RGS5: variants seen among roughly 807,000 people sequenced by gnomAD.
RGS5 encodes regulator of G protein signaling 5, also known as regulator of G-protein signalling 5.
RGS5 carries 20 observed loss-of-function variants against 18.9 expected under a neutral mutation model. The observed-to-expected ratio is 1.06, with a 90% CI of 0.74 to 1.54. The LOEUF is 1.54. Ranked by LOEUF, RGS5 falls within the 40% of genes most tolerant of loss-of-function variation. The probability of loss-of-function intolerance (pLI) is 0.00; values close to 1 mark genes in which losing one functional copy is unlikely to be tolerated. For synonymous variants in RGS5, 57 were observed against 76.2 expected, an observed-to-expected ratio of 0.75 and a Z score of 1.31; for missense variants, 201 against 211.8, an observed-to-expected ratio of 0.95 and a Z score of 0.32.
At chr1:163,319,054 C>T (rs1335743327) in intron 1 of RGS5, 1 of 152,146 alleles carries the variant, frequency 6.6e-6, no homozygotes, top group Non-Finnish European at 1.5e-5. Context: ...ATTCCTACCA[C>T]ATTAGACCAA....
chr1:163,179,339 A>C (rs1245188374), intron 1 of RGS5, among the ~76,000 whole-genome samples: 1 of 152,228 alleles, frequency 6.6e-6, no homozygotes, highest in African/African-American at 2.4e-5. Context: ...TCTATTTCAT[A>C]AGCCTCTTGT....
chr1:163,181,906 C>T (rs1233228635), intron 1 of RGS5, among the ~76,000 whole-genome samples: 2 of 152,070 alleles, frequency 1.3e-5, no homozygotes, highest in East Asian at 1.9e-4. Context: ...AATTCCAACC[C>T]TTAATTTAAA....
chr1:163,277,088 A>G (rs1648876487), intron 2 of RGS5, among the ~76,000 whole-genome samples: 1 of 152,104 alleles, frequency 6.6e-6, no homozygotes, highest in South Asian at 2.1e-4. Context: ...CTGCATGATA[A>G]ATTTTGGTCT....
At chr1:163,216,423 GC>G (rs1195656350) in intron 1 of RGS5, among the ~76,000 whole-genome samples, 3 of 152,244 alleles carry the variant, frequency 2.0e-5, no homozygotes, top group Middle Eastern at 3.4e-3. Context: ...ATGGGCTCCA[GC>G]CTTCACAGAT....
chr1:163,230,869 GAT>G (rs892254580), intron 2 of RGS5, among the ~76,000 whole-genome samples: 6 of 152,104 alleles, frequency 3.9e-5, no homozygotes, highest in African/African-American at 1.4e-4. Context: ...GGCGTAACAG[GAT>G]ATGTTAATCA....
At chr1:163,153,797 A>G (rs910480171) in intron 3 of RGS5, among the ~76,000 whole-genome samples, 2 of 146,510 alleles carry the variant, frequency 1.4e-5, no homozygotes, top group Non-Finnish European at 3.0e-5. Flanking sequence ...TTAATGCTGA[A>G]TATATATGTA....
intron 2 of RGS5, among the ~76,000 whole-genome samples, chr1:163,281,128 GCTGT>G (rs1416277964): frequency 5.3e-5 from 8 of 152,068 alleles, no homozygotes; most frequent in African/African-American, 1.9e-4. Flanking sequence ...CTCTTTGCCT[GCTGT>G]CTGTCATCCA....
intron 1 of RGS5, among the ~76,000 whole-genome samples, chr1:163,191,577 T>C (rs1659357129): frequency 6.6e-6 from 1 of 152,204 alleles, no homozygotes; most frequent in African/African-American, 2.4e-5. Flanking sequence ...TATTATGCCA[T>C]AGTCTAACCC....
chr1:163,286,131 C>A (rs1397006979), intron 2 of RGS5, among the ~76,000 whole-genome samples: 1 of 151,638 alleles, frequency 6.6e-6, no homozygotes, highest in Non-Finnish European at 1.5e-5. Context: ...GAAAAAAAAC[C>A]CCCAATAAAA....
chr1:163,172,711 G>A (rs565935188), intron 1 of RGS5: 1 of 1,127,924 alleles, frequency 8.9e-7, no homozygotes, highest in East Asian at 2.6e-5. Flanking sequence ...GAGTATTTAA[G>A]TTGTGAAGTC....
chr1:163,247,035 T>C (rs1212996611), intron 2 of RGS5, among the ~76,000 whole-genome samples: 2 of 152,076 alleles, frequency 1.3e-5, no homozygotes, highest in African/African-American at 2.4e-5. Context: ...AAACATTAAG[T>C]ACACATGGAC....
intron 2 of RGS5, among the ~76,000 whole-genome samples, chr1:163,282,218 G>A (rs925259264): frequency 3.3e-5 from 5 of 151,638 alleles, no homozygotes; most frequent in Non-Finnish European, 5.9e-5. Context: ...CAGAATATAC[G>A]AACAACTCAA....
intron 2 of RGS5, among the ~76,000 whole-genome samples, chr1:163,240,808 C>A (rs1021452448): frequency 6.6e-6 from 1 of 152,194 alleles, no homozygotes; most frequent in Non-Finnish European, 1.5e-5. Flanking sequence ...TGAGCCACTG[C>A]ACCAGGCCAA....
chr1:163,166,613 C>A (rs1248546614), intron 2 of RGS5, among the ~76,000 whole-genome samples: 1 of 152,052 alleles, frequency 6.6e-6, no homozygotes, highest in East Asian at 1.9e-4. Flanking sequence ...TTTTATTGGT[C>A]ACTGTTGAAA....
chr1:163,253,558 C>G (rs992306961), intron 2 of RGS5, among the ~76,000 whole-genome samples: 1 of 151,878 alleles, frequency 6.6e-6, no homozygotes, highest in Middle Eastern at 3.2e-3. Flanking sequence ...AATCCACCCA[C>G]CTCGGCCTGC....
At chr1:163,253,439 G>T (rs1309165535) in intron 2 of RGS5, among the ~76,000 whole-genome samples, 1 of 148,628 alleles carries the variant, frequency 6.7e-6, no homozygotes, top group Non-Finnish European at 1.5e-5. Flanking sequence ...CTCCCATGTA[G>T]TTGGGATTAC....
chr1:163,245,801 T>A (rs12126279), intron 2 of RGS5, among the ~76,000 whole-genome samples: 30,433 of 152,212 alleles, frequency 0.2, 3,443 homozygotes, highest in Non-Finnish European at 0.25. Flanking sequence ...GTGCTCAATA[T>A]ATAGTAGCTT....
chr1:163,283,653 A>C (rs1649057347), intron 2 of RGS5, among the ~76,000 whole-genome samples: 1 of 152,126 alleles, frequency 6.6e-6, no homozygotes, highest in Non-Finnish European at 1.5e-5. Flanking sequence ...ACATTATTTA[A>C]GACTTGATCT....
At chr1:163,181,832 C>T (rs1007204692) in intron 1 of RGS5, among the ~76,000 whole-genome samples, 10 of 152,126 alleles carry the variant, frequency 6.6e-5, no homozygotes, top group African/African-American at 2.2e-4. Context: ...AAGACCACAG[C>T]TCCGCACTGC....
Sources: allele counts gnomAD v4.1 joint callset (sites outside exome capture counted in the v4.1 genomes callset), GRCh38; gene constraint gnomAD v4.1.1; transcripts MANE v1.5; gene names NCBI Gene and HGNC (gene_info 2026-07-23, HGNC 2026-07-21).